Variants in NBEA observed in about 807,000 individuals in gnomAD.
NBEA encodes lysosomal-trafficking regulator 2.
Under a neutral mutation model 343.4 loss-of-function variants are expected in NBEA, and 44 were observed. That is an observed-to-expected ratio of 0.13 (90% CI 0.10 to 0.16). NBEA has a LOEUF of 0.16. Among genes scored for constraint, NBEA ranks in the 10% least tolerant of loss-of-function variants. NBEA has a pLI of 1.00. For missense variants in NBEA, 2,555 were observed against 3,631.3 expected, an observed-to-expected ratio of 0.70 and a Z score of 7.62; for synonymous variants, 1,175 against 1,238.7, an observed-to-expected ratio of 0.95 and a Z score of 1.08.
chr13:35,380,855 A>G (rs1412502404), intron 38 of NBEA, among the ~76,000 whole-genome samples: 1 of 152,140 alleles, frequency 6.6e-6, no homozygotes, highest in Non-Finnish European at 1.5e-5. Context: ...TGACAGAGAA[A>G]GTTTTAAATA....
intron 36 of NBEA, among the ~76,000 whole-genome samples, chr13:35,316,772 T>C (rs183992178): frequency 1.3e-3 from 200 of 152,324 alleles, no homozygotes; most frequent in African/African-American, 4.7e-3. Flanking sequence ...CAGGATCTGT[T>C]GTTTCCTGAC....
intron 49 of NBEA, among the ~76,000 whole-genome samples, chr13:35,635,766 GAC>G (rs1276655430): frequency 7.9e-5 from 12 of 152,286 alleles, no homozygotes; most frequent in African/African-American, 2.4e-4. Context: ...GGAAATTAAT[GAC>G]ACACATTTAA....
At chr13:35,007,583 CCAGGCTCAAGTGATCCTCCTG>C (rs2061359273) in intron 1 of NBEA, among the ~76,000 whole-genome samples, 1 of 152,076 alleles carries the variant, frequency 6.6e-6, no homozygotes, top group South Asian at 2.1e-4. Context: ...GCTTGACCTC[CCAGGCTCAAGTGATCCTCCTG>C]CAGCGGCCTC....
chr13:35,399,106 C>T (rs554394514), intron 38 of NBEA, among the ~76,000 whole-genome samples: 266 of 152,186 alleles, frequency 1.7e-3, no homozygotes, highest in African/African-American at 5.8e-3. Context: ...CATGAAATAA[C>T]CTCTTCTAGC....
At chr13:35,217,641 G>T (rs2074137256) in intron 33 of NBEA, among the ~76,000 whole-genome samples, 1 of 152,004 alleles carries the variant, frequency 6.6e-6, no homozygotes, top group African/African-American at 2.4e-5. Flanking sequence ...TGCCCATGAG[G>T]CATGTTTTTA....
chr13:35,151,991 T>C (rs990180750), intron 18 of NBEA, among the ~76,000 whole-genome samples: 3 of 152,150 alleles, frequency 2.0e-5, no homozygotes, highest in African/African-American at 7.2e-5. Context: ...TTATGTTTAA[T>C]ACACTTGTAA....
chr13:35,538,412 CACACTGA>C (rs2078657377), intron 41 of NBEA, among the ~76,000 whole-genome samples: 1 of 152,194 alleles, frequency 6.6e-6, no homozygotes, highest in Admixed American at 6.5e-5. Flanking sequence ...TATCATTCTT[CACACTGA>C]ATTTATACGC....
intron 1 of NBEA, among the ~76,000 whole-genome samples, chr13:34,945,962 C>T (rs61947393): frequency 2.4e-4 from 36 of 152,204 alleles, no homozygotes; most frequent in Non-Finnish European, 3.7e-4. Flanking sequence ...ATTTTTACTA[C>T]TAGGTGGATT....
intron 17 of NBEA, among the ~76,000 whole-genome samples, chr13:35,129,086 G>A (rs1015808268): frequency 1.3e-5 from 2 of 150,684 alleles, no homozygotes; most frequent in Non-Finnish European, 3.0e-5. Flanking sequence ...GGGAGGGATA[G>A]CATTAGGAGA....
chr13:35,211,717 G>T (rs908472518), intron 33 of NBEA, among the ~76,000 whole-genome samples: 5 of 152,144 alleles, frequency 3.3e-5, no homozygotes, highest in African/African-American at 1.2e-4. Context: ...CGGGAGGGAG[G>T]CTAGGGCAGG....
intron 31 of NBEA, among the ~76,000 whole-genome samples, chr13:35,202,336 G>A (rs943275191): frequency 6.6e-5 from 10 of 151,712 alleles, no homozygotes; most frequent in African/African-American, 2.4e-4. Flanking sequence ...CCCAGGGCAT[G>A]GGGCATGTAT....
chr13:35,395,011 A>G (rs901025985), intron 38 of NBEA, among the ~76,000 whole-genome samples: 2 of 152,044 alleles, frequency 1.3e-5, no homozygotes, highest in Non-Finnish European at 2.9e-5. Context: ...TAACCCATGT[A>G]TTATTTAGAA....
chr13:35,011,506 A>G (rs1463683597), intron 1 of NBEA, among the ~76,000 whole-genome samples: 3 of 152,240 alleles, frequency 2.0e-5, no homozygotes, highest in Non-Finnish European at 1.5e-5. Context: ...TTTGATATGG[A>G]TATAATATTG....
intron 39 of NBEA, among the ~76,000 whole-genome samples, chr13:35,443,814 T>C (rs548926097): frequency 6.6e-6 from 1 of 152,082 alleles, no homozygotes; most frequent in African/African-American, 2.4e-5. Context: ...GTTTTGCCAT[T>C]GGGATTTTTC....
chr13:35,165,351 T>C (rs2069925661), intron 24 of NBEA, among the ~76,000 whole-genome samples: 1 of 152,174 alleles, frequency 6.6e-6, no homozygotes, highest in Non-Finnish European at 1.5e-5. Context: ...CTCACACACT[T>C]TCCCCAGGCC....
At chr13:35,443,709 C>A (rs2045856973) in intron 39 of NBEA, among the ~76,000 whole-genome samples, 1 of 151,874 alleles carries the variant, frequency 6.6e-6, no homozygotes, top group African/African-American at 2.4e-5. Flanking sequence ...TAAAGTGAGG[C>A]TTCTGACTCA....
chr13:35,367,042 G>T (rs923804849), intron 38 of NBEA, among the ~76,000 whole-genome samples: 8 of 151,154 alleles, frequency 5.3e-5, no homozygotes, highest in Non-Finnish European at 1.2e-4. Flanking sequence ...ACGATATTTT[G>T]TACTTTGCAT....
intron 13 of NBEA, among the ~76,000 whole-genome samples, chr13:35,117,112 A>G (rs1183712787): frequency 6.6e-6 from 1 of 151,914 alleles, no homozygotes; most frequent in Non-Finnish European, 1.5e-5. Flanking sequence ...ACAGAAAAAA[A>G]AGCATTAATA....
chr13:35,149,249 T>G (rs1033379013), intron 18 of NBEA, among the ~76,000 whole-genome samples: 2 of 152,184 alleles, frequency 1.3e-5, no homozygotes, highest in African/African-American at 4.8e-5. Flanking sequence ...CAGAGTATAA[T>G]GAGGTCATTT....
Sources: gnomAD v4.1 joint callset for allele counts (sites outside exome capture counted in the v4.1 genomes callset) on GRCh38, gnomAD v4.1.1 for gene constraint, MANE v1.5 for transcripts, NCBI Gene and HGNC (gene_info 2026-07-23, HGNC 2026-07-21) for gene names.